Variants in SDHA observed in about 807,000 individuals in gnomAD.
SDHA encodes succinate dehydrogenase complex flavoprotein subunit A.
A neutral mutation model predicts 78.4 loss-of-function variants in SDHA; 48 were observed. That is an observed-to-expected ratio of 0.61 (90% confidence interval 0.49 to 0.78). The LOEUF (loss-of-function observed/expected upper bound fraction) is 0.78. SDHA is among the 30% of genes least tolerant of loss of function. The pLI, the probability that SDHA is intolerant of heterozygous loss-of-function variation, is 0.00. For missense variants in SDHA, 680 were observed against 892.7 expected (o/e 0.76, Z 3.04); for synonymous variants, 326 against 353.9 (o/e 0.92, Z 0.88).
intron 1 of SDHA, among the ~76,000 whole-genome samples, chr5:220,953 C>T (rs1734681094): frequency 6.6e-6 from 1 of 151,976 alleles, no homozygotes; most frequent in African/African-American, 2.4e-5. Flanking sequence ...GCTGGGACTA[C>T]AGGCACCTGC....
At chr5:263,393 A>G in the SDHA span, among the ~76,000 whole-genome samples, 3 of 152,320 alleles carry the variant, frequency 2.0e-5, no homozygotes, top group Non-Finnish European at 4.4e-5. Flanking sequence ...GGAGCGGACT[A>G]TTGGTGCACG....
At chr5:228,821 A>G (rs1276898175) in intron 6 of SDHA, among the ~76,000 whole-genome samples, 4 of 152,332 alleles carry the variant, frequency 2.6e-5, no homozygotes, top group African/African-American at 9.6e-5. Context: ...CAGCAAAACT[A>G]CAGGTTGGGA....
chr5:236,037 T>G, intron 9 of SDHA: 1 of 298,092 alleles, frequency 3.4e-6, no homozygotes, highest in South Asian at 3.2e-5. Context: ...CTCTTTTTTT[T>G]TCTTGGAGAT....
At chr5:245,421 T>C (rs1254411244) in intron 11 of SDHA, among the ~76,000 whole-genome samples, 2 of 152,250 alleles carry the variant, frequency 1.3e-5, no homozygotes, top group Non-Finnish European at 2.9e-5. Flanking sequence ...TGCAGCCTGC[T>C]AAGCGTTTTC....
At position 256,354 on chromosome 5, in the gene SDHA, C is replaced by T. The variant is rs761201589; in HGVS notation, c.1929C>T (p.Pro643=). The T allele has an allele frequency of 2.0e-5, 33 of 1,613,582 alleles. No individual in the cohort carries two copies. Among genetic ancestry groups the T allele is most frequent in the Admixed American group, 1.8e-4 (11 of 59,996 alleles). The stretch of plus-strand genomic sequence containing the variant: ...TCAAGGTCACTCTGGAATATAGACC[C>T]GTGATCGACAAAACTTTGAACGAGG... ...GTGKVTLEYR[P]VIDKTLNEAD... The change falls in exon 15 of 15, where the codon CCC becomes CCT. Residue 643 remains proline (P), a synonymous_variant. Transcript: ENST00000264932.
At chr5:265,745 G>T in the SDHA span, among the ~76,000 whole-genome samples, 447 of 151,926 alleles carry the variant, frequency 2.9e-3, 1 homozygote, top group Non-Finnish European at 5.3e-3. Context: ...GCTTGAACCC[G>T]GGAGGCGGAG....
chr5:226,054 C>T lies in SDHA; in HGVS notation c.621+7C>T, dbSNP rs2126550719. Reference sequence around the variant, plus strand: ...GCACACCTTATATGGAAGGGTAAGGCCGCCCCCGTCCACCTGAGACAGGAC... The same window carrying T: ...GCACACCTTATATGGAAGGGTAAGGTCGCCCCCGTCCACCTGAGACAGGAC... On this transcript the variant is annotated splice_region_variant and intron_variant, in intron 5 of 14. Coordinates refer to ENST00000264932, the MANE Select transcript of SDHA (RefSeq NM_004168.4). 1 of 1,614,034 alleles carries T rather than the reference C, an allele frequency of 6.2e-7. No homozygotes were observed. The highest frequency in any genetic ancestry group is 8.5e-7 in the Non-Finnish European group (1 of 1,179,986).
chr5:239,659 G>A (rs1024187250), intron 10 of SDHA, among the ~76,000 whole-genome samples: 41 of 152,158 alleles, frequency 2.7e-4, no homozygotes, highest in African/African-American at 8.2e-4. Context: ...CCTTCCCCCC[G>A]CTGATGTGAA....
chr5:262,158 GTCA>G, the SDHA span, among the ~76,000 whole-genome samples: 3 of 65,946 alleles, frequency 4.5e-5, no homozygotes, highest in Non-Finnish European at 9.3e-5. Flanking sequence ...TCCGCCTCCC[GTCA>G]GAGCATTACC....
chr5:249,803 T>C (rs1418706314), intron 11 of SDHA: 2 of 152,224 alleles, frequency 1.3e-5, no homozygotes, highest in Admixed American at 6.5e-5. Context: ...GCAGTAAATA[T>C]TGAAAAGGAA....
chr5:226,246 T>C (rs1735018178), intron 5 of SDHA, among the ~76,000 whole-genome samples, 199 bp downstream of exon 5: 1 of 152,196 alleles, frequency 6.6e-6, no homozygotes, highest in Non-Finnish European at 1.5e-5. Context: ...CCTAAGGCAG[T>C]GTGTGACTTC....
intron 1 of SDHA, among the ~76,000 whole-genome samples, chr5:218,844 C>T (rs1171337144): frequency 6.6e-6 from 1 of 152,164 alleles, no homozygotes; most frequent in Non-Finnish European, 1.5e-5. Flanking sequence ...CTCTGCCGCC[C>T]TCTGTGCGGG....
At chr5:245,082 A>G (rs749720926) in intron 11 of SDHA, among the ~76,000 whole-genome samples, 2 of 152,360 alleles carry the variant, frequency 1.3e-5, no homozygotes, top group Non-Finnish European at 2.9e-5. Flanking sequence ...AACAATGGCC[A>G]CTGAGTAAAG....
At chr5:256,194 G>T in intron 14 of SDHA, 140 bp from the exon 15 acceptor site, 1 of 738,896 alleles carries the variant, frequency 1.4e-6, no homozygotes, top group Non-Finnish European at 2.5e-6. Flanking sequence ...CATGATGGGA[G>T]CATTTTTGTA....
downstream of SDHA, among the ~76,000 whole-genome samples, chr5:260,910 C>G (rs1366361923): frequency 1.6e-4 from 1 of 6,332 alleles, no homozygotes; most frequent in East Asian, 1.2e-3. Flanking sequence ...CCGCCTCCCG[C>G]CAGAGCATTA....
At chr5:264,504 G>A in the SDHA span, among the ~76,000 whole-genome samples, 5 of 147,278 alleles carry the variant, frequency 3.4e-5, no homozygotes, top group Non-Finnish European at 1.5e-5. Flanking sequence ...GCTCCACAGG[G>A]TCAGGATGGT....
chr5:231,028 T>C lies in SDHA; in HGVS notation c.895+28T>C, dbSNP rs2288459. On this transcript the variant is annotated intron_variant, in intron 7 of 14. Coordinates refer to ENST00000264932, the MANE Select transcript of SDHA (RefSeq NM_004168.4). Reference sequence around the variant, plus strand: ...AGGGCAGGACGCCTTGCCCGGCAGGTGTTTGGCTTGTGTGTGTCTTGTAAG... The same window carrying C: ...AGGGCAGGACGCCTTGCCCGGCAGGCGTTTGGCTTGTGTGTGTCTTGTAAG... 236,076 of 1,612,344 alleles carry C rather than the reference T, an allele frequency of 0.15. 24,106 individuals are homozygous for C. The highest frequency in any genetic ancestry group is 0.53 in the African/African-American group (39,927 of 74,946).
chr5:226,525 A>G (rs1414108266), intron 5 of SDHA, among the ~76,000 whole-genome samples: 1 of 152,148 alleles, frequency 6.6e-6, no homozygotes, highest in African/African-American at 2.4e-5. Flanking sequence ...CCAGTTACTC[A>G]GGAGGCTGAG....
chr5:236,053 C>G, intron 9 of SDHA: 1 of 322,040 alleles, frequency 3.1e-6, no homozygotes, highest in South Asian at 2.8e-5. Context: ...GAGATGCAGT[C>G]TCACTCTGTT....
Sources: allele counts gnomAD v4.1 joint callset (sites outside exome capture counted in the v4.1 genomes callset), GRCh38; gene constraint gnomAD v4.1.1; transcripts MANE v1.5; gene names NCBI Gene and HGNC (gene_info 2026-07-23, HGNC 2026-07-21).